The following SPTLC3 variants were observed in gnomAD, a reference collection of about 807,000 sequenced individuals.
SPTLC3 encodes serine palmitoyltransferase 3.
A neutral mutation model predicts 59.3 loss-of-function variants in SPTLC3; 36 were observed. The ratio of observed to expected loss-of-function variants is 0.61; its 90% CI spans 0.47 to 0.80. The LOEUF (loss-of-function observed/expected upper bound fraction) is 0.80, where lower values mean the gene tolerates loss of function less well. SPTLC3 is among the 30% of genes least tolerant of loss of function. The pLI is 0.00. For missense variants in SPTLC3, 625 were observed against 685.1 expected (o/e 0.91, Z 0.98); for synonymous variants, 257 against 240.8 (o/e 1.07, Z -0.62).
intron 7 of SPTLC3, among the ~76,000 whole-genome samples, chr20:13,116,670 G>A (rs2122736102): frequency 1.3e-5 from 2 of 152,214 alleles, no homozygotes; most frequent in Middle Eastern, 6.8e-3. Flanking sequence ...AAGTGCTTTT[G>A]CAACTTACAA....
chr20:13,070,725 G>A (rs1303025356), intron 2 of SPTLC3, among the ~76,000 whole-genome samples: 1 of 152,118 alleles, frequency 6.6e-6, no homozygotes, highest in African/African-American at 2.4e-5. Flanking sequence ...CCTCACCCAC[G>A]CTGTAGGGAG....
At chr20:13,025,990 C>T (rs1986122858) in intron 1 of SPTLC3, among the ~76,000 whole-genome samples, 1 of 152,126 alleles carries the variant, frequency 6.6e-6, no homozygotes, top group African/African-American at 2.4e-5. Context: ...TTGGTTTTCT[C>T]TTCCTGCATT....
chr20:13,111,917 G>A (rs183291010), intron 7 of SPTLC3, among the ~76,000 whole-genome samples: 1 of 152,272 alleles, frequency 6.6e-6, no homozygotes, highest in Non-Finnish European at 1.5e-5. Flanking sequence ...AACAACTCCA[G>A]CAGCAGGGCT....
At chr20:13,018,633 T>A (rs1171918242) in intron 1 of SPTLC3, among the ~76,000 whole-genome samples, 1 of 152,238 alleles carries the variant, frequency 6.6e-6, no homozygotes, top group African/African-American at 2.4e-5. Context: ...AATTAACATA[T>A]TTTAAGTATT....
chr20:13,011,566 C>T (rs767569126), intron 1 of SPTLC3, among the ~76,000 whole-genome samples: 7 of 152,156 alleles, frequency 4.6e-5, no homozygotes, highest in Non-Finnish European at 7.3e-5. Flanking sequence ...TTAGGCGGTG[C>T]TCATGAGTCC....
intron 1 of SPTLC3, among the ~76,000 whole-genome samples, chr20:13,030,306 G>A (rs560533767): frequency 2.0e-5 from 3 of 152,314 alleles, no homozygotes; most frequent in African/African-American, 7.2e-5. Flanking sequence ...TGAAATTTCA[G>A]AACCAACTAA....
chr20:13,017,188 T>A (rs949235681), intron 1 of SPTLC3, among the ~76,000 whole-genome samples: 1 of 152,196 alleles, frequency 6.6e-6, no homozygotes, highest in African/African-American at 2.4e-5. Context: ...TCCTGATTTT[T>A]CATTCTTAAT....
intron 1 of SPTLC3, among the ~76,000 whole-genome samples, chr20:13,039,740 G>A (rs1048913268): frequency 6.6e-6 from 1 of 151,922 alleles, no homozygotes; most frequent in Non-Finnish European, 1.5e-5. Context: ...TTTCTAGTAT[G>A]ATATTTTCAT....
intron 1 of SPTLC3, among the ~76,000 whole-genome samples, chr20:13,027,429 C>T (rs193006873): frequency 4.2e-4 from 64 of 152,170 alleles, no homozygotes; most frequent in African/African-American, 1.4e-3. Flanking sequence ...GAGATCAAAA[C>T]CACATAGATA....
At position 13,108,677 on chromosome 20, in the gene SPTLC3, C is replaced by A. The variant is rs529538848; in HGVS notation, c.827-1435C>A. Among the ~76,000 whole-genome samples the A allele has an allele frequency of 2.0e-5, 3 of 152,188 alleles. No homozygotes were observed. In the South Asian group the frequency reaches 6.2e-4, roughly 32 times the overall value. Reference sequence around the variant, plus strand: ...GCAACATCCGTCTCCTGGGTTCAAGCAATTCTCCTGTCTCAGCCTCCCAAG... The same window carrying A: ...GCAACATCCGTCTCCTGGGTTCAAGAAATTCTCCTGTCTCAGCCTCCCAAG... On this transcript the variant is annotated intron_variant, in intron 6 of 11. Coordinates refer to ENST00000399002, the MANE Select transcript of SPTLC3 (RefSeq NM_018327.4).
intron 7 of SPTLC3, among the ~76,000 whole-genome samples, chr20:13,114,789 T>C (rs576047393): frequency 1.2e-4 from 19 of 152,350 alleles, no homozygotes; most frequent in African/African-American, 3.8e-4. Flanking sequence ...AAGGAGATTT[T>C]TCCACCATGT....
intron 3 of SPTLC3, chr20:13,074,081 C>G: frequency 1.5e-6 from 1 of 660,900 alleles, no homozygotes; most frequent in Non-Finnish European, 2.9e-6. Flanking sequence ...TGGAAGCTAC[C>G]TGGCTGTTCA....
At chr20:13,116,361 G>A (rs1264146034) in intron 7 of SPTLC3, among the ~76,000 whole-genome samples, 1 of 152,226 alleles carries the variant, frequency 6.6e-6, no homozygotes, top group African/African-American at 2.4e-5. Flanking sequence ...TGGTGAGTGT[G>A]TCTGTGTGTT....
At chr20:13,146,944 G>C (rs1302554471) in intron 9 of SPTLC3, among the ~76,000 whole-genome samples, 1 of 152,198 alleles carries the variant, frequency 6.6e-6, no homozygotes, top group Non-Finnish European at 1.5e-5. Context: ...TTCCTCATCT[G>C]TGAAGTGGGC....
chr20:13,049,248 G>A (rs773568658), intron 2 of SPTLC3, 118 bp downstream of exon 2: 1 of 1,161,748 alleles, frequency 8.6e-7, no homozygotes, highest in Admixed American at 1.9e-5. Flanking sequence ...AACTATTCAG[G>A]GCAAATTTCA....
At chr20:13,047,561 TAATA>T (rs1198774185) in intron 1 of SPTLC3, among the ~76,000 whole-genome samples, 1 of 152,076 alleles carries the variant, frequency 6.6e-6, no homozygotes, top group Non-Finnish European at 1.5e-5. Flanking sequence ...TTGAATGAAA[TAATA>T]AATGAATGTA....
chr20:13,093,338 C>G, intron 5 of SPTLC3, 146 bp from the exon 6 acceptor site: 1 of 633,448 alleles, frequency 1.6e-6, no homozygotes, highest in Non-Finnish European at 2.7e-6. Context: ...TCCACATAGA[C>G]ACCAGGTTAA....
intron 9 of SPTLC3, among the ~76,000 whole-genome samples, chr20:13,136,752 GGA>G (rs1391343521): frequency 2.7e-5 from 4 of 147,340 alleles, no homozygotes; most frequent in African/African-American, 9.9e-5. Flanking sequence ...TAATATATAG[GGA>G]GAGAGGAATT....
chr20:13,155,116 G>A (rs1255081192), intron 10 of SPTLC3, among the ~76,000 whole-genome samples: 3 of 152,202 alleles, frequency 2.0e-5, no homozygotes, highest in South Asian at 4.1e-4. Context: ...AGGAGGCAGA[G>A]GTTGCATGAG....
Sources: allele counts gnomAD v4.1 joint callset (sites outside exome capture counted in the v4.1 genomes callset), GRCh38; gene constraint gnomAD v4.1.1; transcripts MANE v1.5; gene names NCBI Gene and HGNC (gene_info 2026-07-23, HGNC 2026-07-21).